Variants in FNBP1 observed in about 807,000 individuals in gnomAD.
The protein encoded by FNBP1 is formin binding protein 1.
In FNBP1, 26 loss-of-function variants were observed where a neutral mutation model predicts 90.6. That is an observed-to-expected ratio of 0.29 (90% CI 0.21 to 0.40). FNBP1 has a LOEUF of 0.40. FNBP1 is among the 10% of genes least tolerant of loss of function. The pLI is 1.00. For missense variants in FNBP1, 635 were observed against 768.0 expected, an observed-to-expected ratio of 0.83 and a Z score of 2.05; for synonymous variants, 260 against 265.2, an observed-to-expected ratio of 0.98 and a Z score of 0.19.
rs1434990589 is a variant in FNBP1 at position 130,017,189 on chromosome 9, T to G, written c.25-22231A>C. Among the ~76,000 whole-genome samples, 5 of 152,186 alleles carry G rather than the reference T, an allele frequency of 3.3e-5. No homozygotes were observed. The South Asian group carries it at 8.3e-4, about 25-fold the overall frequency. On this transcript the variant is annotated intron_variant, in intron 1 of 16. Transcript: ENST00000446176. ...AGTTCTTCAAGTCCCTGAGATCAGC[T>G]GCAAAAAAAAGCTAAAAGTCTCTAG...
intron 16 of FNBP1, among the ~76,000 whole-genome samples, chr9:129,891,501 C>T (rs944025054): frequency 1.3e-5 from 2 of 152,110 alleles, no homozygotes; most frequent in African/African-American, 4.8e-5. Context: ...GCATCAATTT[C>T]CTAGAATGGT....
intron 1 of FNBP1, among the ~76,000 whole-genome samples, chr9:130,025,705 C>A (rs1459631539): frequency 6.6e-6 from 1 of 152,208 alleles, no homozygotes; most frequent in African/African-American, 2.4e-5. Flanking sequence ...GGGTGGATCA[C>A]CTGAGGTCAG....
chr9:129,937,342 T>C (rs2043630346), intron 6 of FNBP1, among the ~76,000 whole-genome samples: 1 of 152,216 alleles, frequency 6.6e-6, no homozygotes, highest in South Asian at 2.1e-4. Context: ...ATTGGTTAAA[T>C]ATTATGTCAC....
At position 129,946,152 on chromosome 9, in the gene FNBP1, G is replaced by A. The variant is rs561323702; in HGVS notation, c.513+11208C>T. Among the ~76,000 whole-genome samples, 5 of 151,864 alleles carry A rather than the reference G, an allele frequency of 3.3e-5. No individual in the cohort carries two copies. In the South Asian group the frequency reaches 1.0e-3, roughly 32 times the overall value. ...CCACTGCACTCCATCCTGAGCGACA[G>A]ACCAATACTCTGTTTCAAAAAAAAA... On this transcript the variant is annotated intron_variant, in intron 6 of 16. Coordinates refer to ENST00000446176, the MANE Select transcript of FNBP1 (RefSeq NM_015033.3).
At chr9:129,964,492 C>CA (rs1320172842) in intron 4 of FNBP1, among the ~76,000 whole-genome samples, 1 of 151,936 alleles carries the variant, frequency 6.6e-6, no homozygotes, top group Admixed American at 6.6e-5. Context: ...GTGACAGCTA[C>CA]ACTTACTTAT....
chr9:130,044,393 G>T (rs1172301292), upstream of FNBP1, among the ~76,000 whole-genome samples: 1 of 152,094 alleles, frequency 6.6e-6, no homozygotes, highest in East Asian at 1.9e-4. Context: ...GGAGGCCCAG[G>T]TGGGAGGATG....
rs189124035 is a variant in FNBP1 at position 129,941,667 on chromosome 9, G to A, written c.514-11972C>T. ...TTTTGTAGAGACAAGGTCTTCCTAC[G>A]TTGCCCAGCCTGGTCTCGAACTCCT... On this transcript the variant is annotated intron_variant, in intron 6 of 16. Transcript: ENST00000446176. Among the ~76,000 whole-genome samples, 62 of 152,240 alleles carry A rather than the reference G, an allele frequency of 4.1e-4. No homozygotes were observed. In the South Asian group the frequency reaches 8.9e-3, roughly 22 times the overall value.
intron 4 of FNBP1, among the ~76,000 whole-genome samples, chr9:129,959,459 C>T (rs1588885391): frequency 6.6e-6 from 1 of 151,416 alleles, no homozygotes; most frequent in Admixed American, 6.6e-5. Flanking sequence ...CGTGGTGGTG[C>T]GTGCCTGTAA....
intron 10 of FNBP1, among the ~76,000 whole-genome samples, chr9:129,918,848 T>G (rs2040649951): frequency 6.6e-6 from 1 of 150,846 alleles, no homozygotes; most frequent in African/African-American, 2.4e-5. Context: ...TTTAAAGATT[T>G]TACCAGAACT....
chr9:129,990,114 G>C (rs1249263906), intron 2 of FNBP1, among the ~76,000 whole-genome samples: 1 of 152,086 alleles, frequency 6.6e-6, no homozygotes, highest in Non-Finnish European at 1.5e-5. Context: ...AAAATATTAA[G>C]TTTGAGTAGT....
chr9:129,948,789 C>T (rs2045740858), intron 6 of FNBP1, among the ~76,000 whole-genome samples: 1 of 152,126 alleles, frequency 6.6e-6, no homozygotes, highest in Admixed American at 6.6e-5. Flanking sequence ...GATCCGCCAG[C>T]CTCAGCCTCT....
chr9:129,944,067 CT>C (rs1439893100), intron 6 of FNBP1, among the ~76,000 whole-genome samples: 4 of 150,208 alleles, frequency 2.7e-5, no homozygotes, highest in African/African-American at 4.9e-5. Context: ...CATACTCTAC[CT>C]TATTCCCCAA....
At chr9:129,977,429 G>T (rs1000839854) in intron 4 of FNBP1, among the ~76,000 whole-genome samples, 1 of 151,844 alleles carries the variant, frequency 6.6e-6, no homozygotes, top group Non-Finnish European at 1.5e-5. Context: ...CTGAGGAAAA[G>T]AATGGATGTA....
chr9:129,931,111 C>G (rs1308106553), intron 6 of FNBP1, among the ~76,000 whole-genome samples: 1 of 152,022 alleles, frequency 6.6e-6, no homozygotes, highest in East Asian at 1.9e-4. Context: ...TGAGACCAGC[C>G]TGGGCAACAT....
chr9:129,961,523 C>CT (rs966412215), intron 4 of FNBP1, among the ~76,000 whole-genome samples: 12 of 151,946 alleles, frequency 7.9e-5, no homozygotes, highest in Admixed American at 2.6e-4. Context: ...AGAATGGTGT[C>CT]TTTTTTTTGT....
intron 1 of FNBP1, among the ~76,000 whole-genome samples, chr9:130,038,476 C>CA (rs1425592726): frequency 6.8e-6 from 1 of 147,266 alleles, no homozygotes; most frequent in Admixed American, 6.8e-5. Context: ...CGGCTCACTG[C>CA]AACCTCCGCC....
intron 4 of FNBP1, among the ~76,000 whole-genome samples, chr9:129,958,991 A>AAAAAAAAAAAAAAAAAAAAAAAG (rs2047374849): frequency 6.9e-6 from 1 of 144,286 alleles, no homozygotes; most frequent in Non-Finnish European, 1.5e-5. Context: ...GCCTCAAAAA[A>AAAAAAAAAAAAAAAAAAAAAAAG]AAAAAAAAAA....
At chr9:129,942,643 CCAG>C (rs1564391098) in intron 6 of FNBP1, among the ~76,000 whole-genome samples, 1 of 152,268 alleles carries the variant, frequency 6.6e-6, no homozygotes, top group Admixed American at 6.5e-5. Flanking sequence ...TGTACCTTAT[CCAG>C]CAGGGCCACT....
At chr9:129,960,932 A>G (rs4836681) in intron 4 of FNBP1, among the ~76,000 whole-genome samples, 144,396 of 152,014 alleles carry the variant, frequency 0.95, 68,776 homozygotes, top group East Asian at 0.99. Context: ...CTTTAGGAGA[A>G]GGAAGACTGA....
Sources: gnomAD v4.1 joint callset for allele counts (sites outside exome capture counted in the v4.1 genomes callset) on GRCh38, gnomAD v4.1.1 for gene constraint, MANE v1.5 for transcripts, NCBI Gene and HGNC (gene_info 2026-07-23, HGNC 2026-07-21) for gene names.